The following KCTD16 variants were observed in gnomAD, a reference collection of about 807,000 sequenced individuals.
KCTD16 encodes the protein BTB/POZ domain-containing protein KCTD16.
KCTD16 carries 13 observed loss-of-function variants against 33.2 expected under a neutral mutation model. The observed-to-expected ratio is 0.39, with a 90% CI of 0.25 to 0.62. The LOEUF is 0.62. Ranked by LOEUF, KCTD16 falls within the 20% of genes least tolerant of loss-of-function variation. KCTD16 has a pLI of 0.50. For synonymous variants in KCTD16, 197 were observed against 195.3 expected (o/e 1.01, Z -0.07); for missense variants, 441 against 525.1 (o/e 0.84, Z 1.57).
chr5:144,271,758 ACTACAC>A (rs1755299716), intron 3 of KCTD16, among the ~76,000 whole-genome samples: 1 of 140,398 alleles, frequency 7.1e-6, no homozygotes, highest in African/African-American at 2.6e-5. Context: ...AAGACTAAAA[ACTACAC>A]ACACACACAC....
rs967739477 is a variant in KCTD16, at chr5:144,180,283, T to C, written c.-327+5811T>C. On this transcript the variant is annotated intron_variant, in intron 2 of 3. Coordinates refer to ENST00000512467, the MANE Select transcript of KCTD16 (RefSeq NM_020768.4). ...TTAGACACTGAGGGATAGCATACTTTGAGAACTTTTTATTTTGTTCAGGGC... is the reference window on the plus strand; with the variant it reads ...TTAGACACTGAGGGATAGCATACTTCGAGAACTTTTTATTTTGTTCAGGGC... 5.9e-5 allele frequency among the ~76,000 whole-genome samples: 9 copies of C among 152,292 alleles called. 1 individual carries two copies. In the East Asian group the frequency reaches 9.6e-4, roughly 16 times the overall value.
chr5:144,331,216 G>T (rs1007881276), intron 3 of KCTD16, among the ~76,000 whole-genome samples: 2 of 152,158 alleles, frequency 1.3e-5, no homozygotes. Flanking sequence ...GTTACTTGAG[G>T]CACTGACTAT....
At chr5:144,373,147 C>A (rs116705278) in intron 3 of KCTD16, among the ~76,000 whole-genome samples, 1 of 152,124 alleles carries the variant, frequency 6.6e-6, no homozygotes, top group African/African-American at 2.4e-5. Context: ...TGCCACCAAC[C>A]GAAATATTTG....
chr5:144,453,420 A>T (rs1753991315), intron 3 of KCTD16, among the ~76,000 whole-genome samples: 1 of 152,054 alleles, frequency 6.6e-6, no homozygotes, highest in East Asian at 1.9e-4. Flanking sequence ...GTGTCTCCTT[A>T]ACACTTTGAT....
rs530111100 is a variant in KCTD16 at position 144,466,036 on chromosome 5, A to C, written c.833-7624A>C. 2.0e-5 allele frequency among the ~76,000 whole-genome samples: 3 copies of C among 151,840 alleles called. No individual in the cohort carries two copies. The South Asian group carries it at 6.3e-4, about 32-fold the overall frequency. The stretch of plus-strand genomic sequence containing the variant: ...GTATTTTTAGTAGAGACGGGATTTC[A>C]CCATATTGGTCAGGCTGGTCTCGAA... On this transcript the variant is annotated intron_variant, in intron 3 of 3. Coordinates refer to ENST00000512467, the MANE Select transcript of KCTD16 (RefSeq NM_020768.4).
At chr5:144,402,561 A>G (rs1752727661) in intron 3 of KCTD16, among the ~76,000 whole-genome samples, 1 of 152,020 alleles carries the variant, frequency 6.6e-6, no homozygotes, top group African/African-American at 2.4e-5. Context: ...CTTGACCTCA[A>G]TTTTCTTCAG....
intron 3 of KCTD16, among the ~76,000 whole-genome samples, chr5:144,415,256 A>T (rs562992901): frequency 2.5e-3 from 375 of 152,268 alleles, no homozygotes; most frequent in Admixed American, 4.1e-3. Flanking sequence ...TAGTGCCCCC[A>T]TGAACCAAGC....
intron 3 of KCTD16, among the ~76,000 whole-genome samples, chr5:144,468,961 A>G (rs1754410040): frequency 6.6e-6 from 1 of 152,210 alleles, no homozygotes; most frequent in Non-Finnish European, 1.5e-5. Flanking sequence ...GTTCTTCTTT[A>G]TCAGTAAGAA....
intron 3 of KCTD16, among the ~76,000 whole-genome samples, chr5:144,312,884 T>C (rs1580864868): frequency 6.6e-6 from 1 of 152,316 alleles, no homozygotes; most frequent in East Asian, 1.9e-4. Flanking sequence ...GAAAACTTGT[T>C]TGATTCTTAA....
At chr5:144,284,242 G>A (rs1755681356) in intron 3 of KCTD16, among the ~76,000 whole-genome samples, 1 of 152,154 alleles carries the variant, frequency 6.6e-6, no homozygotes, top group Non-Finnish European at 1.5e-5. Context: ...TTCTGCTGTT[G>A]CAAATAGCAT....
intron 2 of KCTD16, among the ~76,000 whole-genome samples, chr5:144,182,621 T>C (rs993835677): frequency 6.6e-6 from 1 of 151,668 alleles, no homozygotes; most frequent in Non-Finnish European, 1.5e-5. Flanking sequence ...TTTCAAAGAG[T>C]AGATTTTAGG....
intron 3 of KCTD16, among the ~76,000 whole-genome samples, chr5:144,229,562 C>T (rs751110200): frequency 6.6e-6 from 1 of 152,154 alleles, no homozygotes; most frequent in Admixed American, 6.5e-5. Context: ...ATTATTTCAT[C>T]TTAATAATGA....
chr5:144,247,889 C>T (rs996333915), intron 3 of KCTD16, among the ~76,000 whole-genome samples: 2 of 152,144 alleles, frequency 1.3e-5, no homozygotes, highest in African/African-American at 4.8e-5. Flanking sequence ...CTTGTCTGTC[C>T]ACTGTTCTTC....
chr5:144,335,384 T>G (rs1438486491), intron 3 of KCTD16, among the ~76,000 whole-genome samples: 1 of 152,104 alleles, frequency 6.6e-6, no homozygotes, highest in African/African-American at 2.4e-5. Flanking sequence ...AGCTGACAGG[T>G]GGGACTGAGT....
intron 3 of KCTD16, among the ~76,000 whole-genome samples, chr5:144,280,761 AAAC>A (rs1266508988): frequency 1.3e-5 from 2 of 152,064 alleles, no homozygotes; most frequent in Non-Finnish European, 2.9e-5. Flanking sequence ...CATCTCTACT[AAAC>A]AAAATACAAA....
chr5:144,382,197 A>G (rs1324861526), intron 3 of KCTD16, among the ~76,000 whole-genome samples: 1 of 152,152 alleles, frequency 6.6e-6, no homozygotes, highest in Non-Finnish European at 1.5e-5. Context: ...TTAAACACTG[A>G]GTACACATGG....
chr5:144,380,034 G>T (rs1752176685), intron 3 of KCTD16, among the ~76,000 whole-genome samples: 1 of 151,890 alleles, frequency 6.6e-6, no homozygotes, highest in Non-Finnish European at 1.5e-5. Flanking sequence ...GGTTTCCTCT[G>T]CCGAGATTCT....
rs1001751608 is a variant in KCTD16 at position 144,477,512 on chromosome 5, A to C, written c.*3398A>C. The C allele has an allele frequency of 1.3e-5, 2 of 152,146 alleles. No homozygotes were observed. The highest frequency in any genetic ancestry group is 2.9e-5 in the Non-Finnish European group (2 of 68,016). The allele number at this position is 152,146 out of a possible 1,614,324, so 9.4% of individuals were successfully genotyped here. A position where few individuals can be genotyped will look rare whatever the true frequency, so the allele number is the denominator to read the frequency against. ...CTTTTCAATTAGCCTTGTTAGATTC[A>C]GAGGAATCTTTATCCATAGGCACAG... On this transcript the variant is annotated 3_prime_UTR_variant, in exon 4 of 4. Transcript: ENST00000512467.
intron 3 of KCTD16, among the ~76,000 whole-genome samples, chr5:144,364,606 C>T (rs184384386): frequency 1.0e-3 from 157 of 152,322 alleles, no homozygotes; most frequent in African/African-American, 3.7e-3. Flanking sequence ...TAGAGTTATA[C>T]TGACTGTTTA....
Sources: gnomAD v4.1 joint callset for allele counts (sites outside exome capture counted in the v4.1 genomes callset) on GRCh38, gnomAD v4.1.1 for gene constraint, MANE v1.5 for transcripts, NCBI Gene and HGNC (gene_info 2026-07-23, HGNC 2026-07-21) for gene names.